The following GLIS1 variants were observed in gnomAD, a reference collection of about 807,000 sequenced individuals.
The protein encoded by GLIS1 is GLIS family zinc finger 1.
A neutral mutation model predicts 63.8 loss-of-function variants in GLIS1; 24 were observed. That is an observed-to-expected ratio of 0.38 (90% CI 0.27 to 0.53). The LOEUF (loss-of-function observed/expected upper bound fraction) is 0.53. Ranked by LOEUF, GLIS1 falls within the 20% of genes least tolerant of loss-of-function variation. The pLI is 0.85. For missense variants in GLIS1, 1,036 were observed against 1,074.1 expected (o/e 0.96, Z 0.50); for synonymous variants, 450 against 482.5 (o/e 0.93, Z 0.88).
chr1:53,695,420 C>T (rs1646454463), intron 2 of GLIS1, among the ~76,000 whole-genome samples: 1 of 141,482 alleles, frequency 7.1e-6, no homozygotes, highest in Admixed American at 6.9e-5. Flanking sequence ...GAGCTGAAGA[C>T]TAACCAGAAG....
chr1:53,577,138 C>CCG (rs1356024649), intron 4 of GLIS1, among the ~76,000 whole-genome samples: 1 of 149,458 alleles, frequency 6.7e-6, no homozygotes, highest in Non-Finnish European at 1.5e-5. Flanking sequence ...CCTCCCCCCC[C>CCG]TCCATGCTTC....
chr1:53,653,302 G>A (rs1645928437), intron 2 of GLIS1, among the ~76,000 whole-genome samples: 2 of 152,160 alleles, frequency 1.3e-5, no homozygotes, highest in East Asian at 3.9e-4. Flanking sequence ...AAATCTCAAG[G>A]TTTTGGTTCC....
intron 5 of GLIS1, among the ~76,000 whole-genome samples, chr1:53,529,014 G>C (rs572679883): frequency 5.1e-4 from 77 of 152,324 alleles, no homozygotes; most frequent in African/African-American, 1.6e-3. Flanking sequence ...TGGTGAGCAG[G>C]CACTGGCCTC....
chr1:53,719,214 T>C (rs1399812593), intron 2 of GLIS1, among the ~76,000 whole-genome samples: 2 of 152,198 alleles, frequency 1.3e-5, no homozygotes, highest in Non-Finnish European at 2.9e-5. Context: ...CCACAGTCTT[T>C]CGTGTTCCGT....
At chr1:53,638,394 G>A (rs1645749496) in intron 2 of GLIS1, among the ~76,000 whole-genome samples, 1 of 108,284 alleles carries the variant, frequency 9.2e-6, no homozygotes, top group African/African-American at 2.5e-5. Context: ...CCAAGGGGCA[G>A]GCCTCCCCCA....
intron 2 of GLIS1, among the ~76,000 whole-genome samples, chr1:53,635,926 TA>T (rs1188862911): frequency 6.6e-6 from 1 of 152,234 alleles, no homozygotes; most frequent in Non-Finnish European, 1.5e-5. Flanking sequence ...GTCCAATAGA[TA>T]TTAACATAAT....
chr1:53,529,282 C>T (rs1271422600), intron 5 of GLIS1, among the ~76,000 whole-genome samples: 2 of 152,212 alleles, frequency 1.3e-5, no homozygotes, highest in Non-Finnish European at 2.9e-5. Flanking sequence ...CACTGCCCAC[C>T]TCCGCTCCTC....
At chr1:53,577,399 G>A (rs912170578) in intron 4 of GLIS1, among the ~76,000 whole-genome samples, 1 of 152,160 alleles carries the variant, frequency 6.6e-6, no homozygotes, top group Non-Finnish European at 1.5e-5. Flanking sequence ...ACTGCCTCCT[G>A]GTGACCTGTC....
chr1:53,649,427 A>G (rs1645882325), intron 2 of GLIS1, among the ~76,000 whole-genome samples: 1 of 152,194 alleles, frequency 6.6e-6, no homozygotes, highest in Non-Finnish European at 1.5e-5. Flanking sequence ...TCTCCGTGTG[A>G]GCAGTTCACC....
chr1:53,691,419 G>A (rs1399627682), intron 2 of GLIS1, among the ~76,000 whole-genome samples: 1 of 152,078 alleles, frequency 6.6e-6, no homozygotes, highest in Non-Finnish European at 1.5e-5. Context: ...TTTGCCTGTT[G>A]CCCTCAGAAT....
At chr1:53,700,034 T>C (rs921896047) in intron 2 of GLIS1, among the ~76,000 whole-genome samples, 5 of 152,168 alleles carry the variant, frequency 3.3e-5, no homozygotes, top group Non-Finnish European at 7.3e-5. Context: ...GGGACTCAAA[T>C]CCAGGCTTCC....
At chr1:53,581,717 G>A (rs1053134454) in intron 4 of GLIS1, among the ~76,000 whole-genome samples, 1 of 152,162 alleles carries the variant, frequency 6.6e-6, no homozygotes, top group African/African-American at 2.4e-5. Flanking sequence ...CAGGCAGACG[G>A]GGCAGCCATG....
intron 2 of GLIS1, among the ~76,000 whole-genome samples, chr1:53,680,396 C>T (rs1474722859): frequency 2.6e-5 from 4 of 152,230 alleles, no homozygotes; most frequent in Non-Finnish European, 4.4e-5. Flanking sequence ...GTGCCCACCA[C>T]TCAGTGGCAC....
intron 4 of GLIS1, among the ~76,000 whole-genome samples, chr1:53,593,606 G>T (rs570493733): frequency 6.6e-6 from 1 of 152,174 alleles, no homozygotes; most frequent in African/African-American, 2.4e-5. Context: ...CTCTCGAGCC[G>T]GGTGCCTGTT....
intron 2 of GLIS1, among the ~76,000 whole-genome samples, chr1:53,692,850 C>T (rs1646421414): frequency 6.6e-6 from 1 of 152,356 alleles, no homozygotes; most frequent in East Asian, 1.9e-4. Context: ...GGATGGTAGG[C>T]ACCGCCACCC....
chr1:53,640,925 G>C (rs1426565226), intron 2 of GLIS1, among the ~76,000 whole-genome samples: 1 of 152,100 alleles, frequency 6.6e-6, no homozygotes, highest in Non-Finnish European at 1.5e-5. Flanking sequence ...GAAGACGTGG[G>C]GGAAAGGAAG....
At position 53,526,624 on chromosome 1, in the gene GLIS1, T is replaced by A. The variant is rs530938117; in HGVS notation, c.1483-1737A>T. Among the ~76,000 whole-genome samples the A allele has an allele frequency of 5.3e-5, 8 of 152,154 alleles. No homozygotes were observed. Among genetic ancestry groups the A allele is most frequent in the African/African-American group, 1.9e-4 (8 of 41,420 alleles). On this transcript the variant is annotated intron_variant, in intron 5 of 10. Transcript: ENST00000628545. This position sits in a 1 kb window ranked among gnomAD's most constrained non-coding sequence, Gnocchi z 4.4. Reference sequence around the variant, plus strand: ...CACGGCACACACACGTGCGTTCACATGTGCCCAGGCACACACACGGCCCTG... The same window carrying A: ...CACGGCACACACACGTGCGTTCACAAGTGCCCAGGCACACACACGGCCCTG...
At chr1:53,732,469 C>T (rs75010635) in intron 2 of GLIS1, among the ~76,000 whole-genome samples, 1 of 145,944 alleles carries the variant, frequency 6.9e-6, no homozygotes. Flanking sequence ...ATGCTGAAAG[C>T]TTTTTTTTTT....
chr1:53,547,005 G>A (rs1165156751), intron 4 of GLIS1, among the ~76,000 whole-genome samples: 34 of 152,226 alleles, frequency 2.2e-4, no homozygotes. Flanking sequence ...TTATTCCAGG[G>A]CCCAACAAGG....
Sources: allele counts gnomAD v4.1 joint callset (sites outside exome capture counted in the v4.1 genomes callset), GRCh38; gene constraint gnomAD v4.1.1; non-coding constraint Gnocchi (gnomAD v3.1); transcripts MANE v1.5; gene names NCBI Gene and HGNC (gene_info 2026-07-23, HGNC 2026-07-21).